HAO2: variants seen among roughly 807,000 people sequenced by gnomAD.
The protein encoded by HAO2 is hydroxyacid oxidase 2, also known as 2-Hydroxyacid oxidase 2.
A neutral mutation model predicts 37.4 loss-of-function variants in HAO2; 42 were observed. That is an observed-to-expected ratio of 1.12 (90% CI 0.88 to 1.45). The LOEUF (loss-of-function observed/expected upper bound fraction) is 1.45. Ranked by LOEUF, HAO2 falls within the 40% of genes most tolerant of loss-of-function variation. HAO2 has a pLI of 0.00. For missense variants in HAO2, 476 were observed against 430.2 expected, an observed-to-expected ratio of 1.11 and a Z score of -0.94; for synonymous variants, 180 against 162.8, an observed-to-expected ratio of 1.11 and a Z score of -0.81.
In HAO2 at chr1:119,376,979, C is replaced by T. The variant is rs184698730; in HGVS notation, c.-8-4099C>T. The stretch of plus-strand genomic sequence containing the variant: ...CATTGTCTTGGCAATTAACATTTGG[C>T]TCCTCGTTACATATGCAAATTTCTG... On this transcript the variant is annotated intron_variant, in intron 1 of 7. Transcript: ENST00000325945. 2.4e-3 allele frequency among the ~76,000 whole-genome samples: 372 copies of T among 152,304 alleles called. 3 individuals carry two copies. The highest frequency in any genetic ancestry group is 4.0e-3 in the Non-Finnish European group (272 of 68,024).
chr1:119,387,727 G>T (rs937972942), intron 5 of HAO2, among the ~76,000 whole-genome samples: 1 of 152,004 alleles, frequency 6.6e-6, no homozygotes, highest in African/African-American at 2.4e-5. Context: ...TATTTTTAAT[G>T]GTATGTAGTA....
intron 1 of HAO2, among the ~76,000 whole-genome samples, chr1:119,374,255 C>T (rs926883837): frequency 2.0e-5 from 3 of 152,222 alleles, no homozygotes; most frequent in African/African-American, 4.8e-5. Flanking sequence ...CTGCCATCTG[C>T]ACATGGCTCT....
chr1:119,381,338 G>C lies in HAO2; in HGVS notation c.131+122G>C. The C allele has an allele frequency of 2.7e-6, 2 of 737,208 alleles. 1 individual carries two copies. The highest frequency in any genetic ancestry group is 4.6e-5 in the Admixed American group (2 of 43,312). The allele number at this position is 737,208 out of a possible 1,614,324, so 45.7% of individuals were successfully genotyped here. A position where few individuals can be genotyped will look rare whatever the true frequency, so the allele number is the denominator to read the frequency against. Reference sequence around the variant, plus strand: ...CAGATCACTCAAGACCTAATAATGTGGATGATTTTGTTGTTGTTTTGGTTT... The same window carrying C: ...CAGATCACTCAAGACCTAATAATGTCGATGATTTTGTTGTTGTTTTGGTTT... On this transcript the variant is annotated intron_variant, in intron 2 of 7. Coordinates refer to ENST00000325945, the MANE Select transcript of HAO2 (RefSeq NM_016527.4).
At position 119,392,690 on chromosome 1, in the gene HAO2, A is replaced by G; in HGVS notation, c.1000+3A>G. The G allele has an allele frequency of 6.4e-7, 1 of 1,571,862 alleles. No individual in the cohort carries two copies. Among genetic ancestry groups the G allele is most frequent in the Non-Finnish European group, 8.8e-7 (1 of 1,141,560 alleles). ...CCACACTTCCATGGCCCTTACAGGTAAGTTAACATGTTTTCCCTGATTTGG... is the reference window on the plus strand; with the variant it reads ...CCACACTTCCATGGCCCTTACAGGTGAGTTAACATGTTTTCCCTGATTTGG... On this transcript the variant is annotated splice_donor_region_variant and intron_variant, in intron 7 of 7. Transcript: ENST00000325945.
intron 3 of HAO2, 123 bp from the exon 4 acceptor site, chr1:119,384,653 T>C (rs1650232935): frequency 4.0e-6 from 3 of 749,492 alleles, no homozygotes; most frequent in Non-Finnish European, 4.3e-6. Context: ...GGAAGCAGAA[T>C]GAAATTAAGC....
chr1:119,372,954 G>C (rs1161323048), intron 1 of HAO2, among the ~76,000 whole-genome samples: 1 of 152,050 alleles, frequency 6.6e-6, no homozygotes, highest in Non-Finnish European at 1.5e-5. Context: ...AAGGACCTCA[G>C]CTCAGCTTTT....
At chr1:119,381,004 T>C in intron 1 of HAO2, 74 bp from the exon 2 acceptor site, 1 of 1,249,184 alleles carries the variant, frequency 8.0e-7, no homozygotes, top group Non-Finnish European at 1.2e-6. Flanking sequence ...ATACTGCAGC[T>C]TCCCCTTCAT....
intron 1 of HAO2, chr1:119,380,767 A>C: frequency 7.9e-7 from 1 of 1,271,856 alleles, no homozygotes; most frequent in Admixed American, 1.7e-5. Flanking sequence ...GCTTTTAAGA[A>C]GTGGTGGGGC....
intron 5 of HAO2, among the ~76,000 whole-genome samples, chr1:119,387,235 A>T (rs1390067734): frequency 1.3e-5 from 2 of 152,180 alleles, no homozygotes; most frequent in Non-Finnish European, 2.9e-5. Context: ...AAACACCCTG[A>T]TGTGTCTTTT....
chr1:119,391,995 G>C (rs1650950252), intron 5 of HAO2, 115 bp from the exon 6 acceptor site: 1 of 848,344 alleles, frequency 1.2e-6, no homozygotes, highest in Non-Finnish European at 1.8e-6. Context: ...GCATGGGAGG[G>C]GAAGAAATTG....
intron 5 of HAO2, among the ~76,000 whole-genome samples, chr1:119,387,115 T>C (rs1260678479): frequency 6.6e-6 from 1 of 152,236 alleles, no homozygotes; most frequent in African/African-American, 2.4e-5. Flanking sequence ...TACTGTAGTT[T>C]AGTGATGTTA....
At chr1:119,374,126 T>C (rs1022163966) in intron 1 of HAO2, among the ~76,000 whole-genome samples, 1 of 152,220 alleles carries the variant, frequency 6.6e-6, no homozygotes, top group Non-Finnish European at 1.5e-5. Context: ...GCTGACCTGC[T>C]GTTCCTGGGC....
intron 2 of HAO2, among the ~76,000 whole-genome samples, chr1:119,381,464 G>T (rs1223385253): frequency 6.6e-6 from 1 of 152,164 alleles, no homozygotes; most frequent in African/African-American, 2.4e-5. Context: ...CAGCAACTTT[G>T]CAACCTGACA....
intron 3 of HAO2, 47 bp from the exon 4 acceptor site, chr1:119,384,729 C>A (rs1243110609): frequency 2.7e-5 from 42 of 1,572,942 alleles, no homozygotes; most frequent in Non-Finnish European, 3.6e-5. Context: ...TCAGCCCAGT[C>A]CAGAGGCCTC....
chr1:119,392,288 C>A lies in HAO2; in HGVS notation c.930+20C>A, dbSNP rs754902113. On this transcript the variant is annotated intron_variant, in intron 6 of 7. Transcript: ENST00000325945. ...TGCAAGGTGAGAGTGGCAAAGCAAA[C>A]CAGCAAGAAGATACAGAGCTTCTCA... 6.3e-7 allele frequency: 1 copy of A among 1,586,726 alleles called. No individual in the cohort carries two copies. Among genetic ancestry groups the A allele is most frequent in the Admixed American group, 1.7e-5 (1 of 57,334 alleles).
In HAO2 at chr1:119,392,212, CTTGGAGCTAAG is replaced by C. The variant is rs1334205781; in HGVS notation, c.876_886del (p.Gly293HisfsTer16). The C allele has an allele frequency of 1.2e-6, 2 of 1,613,356 alleles. No homozygotes were observed. The highest frequency in any genetic ancestry group is 2.7e-5 in the African/African-American group (2 of 74,908). On this transcript the variant is annotated frameshift_variant, in exon 6 of 8. Coordinates refer to ENST00000325945, the MANE Select transcript of HAO2 (RefSeq NM_016527.4). LOFTEE classifies it high-confidence loss of function. ...CAATGATGTGCTGAAGGCTCTGGCCCTTGGAGCTAAGTGCATTTTTCTTGGGAGACCAATCC... is the reference window on the plus strand; with the variant it reads ...CAATGATGTGCTGAAGGCTCTGGCCCTGCATTTTTCTTGGGAGACCAATCC...
intron 1 of HAO2, among the ~76,000 whole-genome samples, chr1:119,370,906 G>A (rs777295395): frequency 2.8e-4 from 42 of 152,178 alleles, no homozygotes; most frequent in Admixed American, 1.2e-3. Flanking sequence ...TGAGATATAG[G>A]TACACCTGCA....
At chr1:119,389,753 G>C (rs1650723791) in intron 5 of HAO2, among the ~76,000 whole-genome samples, 1 of 151,500 alleles carries the variant, frequency 6.6e-6, no homozygotes, top group African/African-American at 2.4e-5. Flanking sequence ...TGTTTACTCT[G>C]CAGACTGTTC....
At chr1:119,389,826 T>C (rs587711375) in intron 5 of HAO2, among the ~76,000 whole-genome samples, 4 of 152,254 alleles carry the variant, frequency 2.6e-5, no homozygotes, top group African/African-American at 9.6e-5. Flanking sequence ...GTTTTTACTG[T>C]ATTTGCTTTT....
Sources: gnomAD v4.1 joint callset for allele counts (sites outside exome capture counted in the v4.1 genomes callset) on GRCh38, gnomAD v4.1.1 for gene constraint, MANE v1.5 for transcripts, NCBI Gene and HGNC (gene_info 2026-07-23, HGNC 2026-07-21) for gene names.